Variants in YEATS4 observed in about 807,000 individuals in gnomAD.
YEATS4 encodes YEATS domain-containing protein 4.
Under a neutral mutation model 30.1 loss-of-function variants are expected in YEATS4, and 17 were observed. The ratio of observed to expected loss-of-function variants is 0.56; its 90% CI spans 0.39 to 0.85. YEATS4 has a LOEUF of 0.85. YEATS4 is among the 40% of genes least tolerant of loss of function. YEATS4 has a pLI of 0.00. For synonymous variants in YEATS4, 85 were observed against 87.5 expected (o/e 0.97, Z 0.16); for missense variants, 142 against 268.3 (o/e 0.53, Z 3.29).
the YEATS4 span, among the ~76,000 whole-genome samples, chr12:69,406,310 A>G: frequency 6.6e-6 from 1 of 152,230 alleles, no homozygotes; most frequent in Non-Finnish European, 1.5e-5. Context: ...TGAAAGTATT[A>G]CATCAATTTT....
At chr12:69,384,701 T>G (rs1876205719) in intron 6 of YEATS4, among the ~76,000 whole-genome samples, 1 of 152,234 alleles carries the variant, frequency 6.6e-6, no homozygotes, top group Admixed American at 6.5e-5. Context: ...AAATTTAAAG[T>G]GTTAGGAAAA....
chr12:69,363,035 C>T, intron 2 of YEATS4, 128 bp downstream of exon 2: 1 of 880,864 alleles, frequency 1.1e-6, no homozygotes, highest in Non-Finnish European at 1.5e-6. Context: ...CTCTGTCGCC[C>T]AGGCTGGAGT....
chr12:69,404,340 C>A, the YEATS4 span, among the ~76,000 whole-genome samples: 1 of 152,172 alleles, frequency 6.6e-6, no homozygotes, highest in Non-Finnish European at 1.5e-5. Flanking sequence ...TTCCAAAGCT[C>A]GTGCTAAAAT....
chr12:69,412,444 G>A, the YEATS4 span, among the ~76,000 whole-genome samples: 1 of 152,082 alleles, frequency 6.6e-6, no homozygotes, highest in Non-Finnish European at 1.5e-5. Context: ...AAGGTCAGGA[G>A]TTCAAGACCA....
downstream of YEATS4, among the ~76,000 whole-genome samples, chr12:69,393,610 T>C (rs1020978917): frequency 2.4e-4 from 36 of 151,742 alleles, no homozygotes; most frequent in African/African-American, 8.2e-4. Flanking sequence ...TTCTTGGAGT[T>C]GGAAAGTACA....
At chr12:69,413,722 C>T in the YEATS4 span, among the ~76,000 whole-genome samples, 1 of 151,860 alleles carries the variant, frequency 6.6e-6, no homozygotes, top group East Asian at 1.9e-4. Flanking sequence ...CATGATGGTG[C>T]ACGCCTATGG....
chr12:69,364,010 C>A (rs1381157540), intron 2 of YEATS4, among the ~76,000 whole-genome samples: 1 of 152,084 alleles, frequency 6.6e-6, no homozygotes, highest in African/African-American at 2.4e-5. Context: ...CCAGAAGGGG[C>A]AAATCCATAG....
chr12:69,384,796 T>C (rs1006053725), intron 6 of YEATS4, among the ~76,000 whole-genome samples: 1 of 152,060 alleles, frequency 6.6e-6, no homozygotes, highest in African/African-American at 2.4e-5. Context: ...TTGCAGAAAA[T>C]ATGGCAAAGA....
intron 4 of YEATS4, among the ~76,000 whole-genome samples, chr12:69,368,375 T>C (rs1399287108): frequency 6.6e-6 from 1 of 152,214 alleles, no homozygotes; most frequent in Non-Finnish European, 1.5e-5. Flanking sequence ...GCAGTTTCAT[T>C]GTTCTAAGAA....
chr12:69,381,850 C>T (rs1876092812), intron 6 of YEATS4, among the ~76,000 whole-genome samples: 1 of 152,114 alleles, frequency 6.6e-6, no homozygotes, highest in South Asian at 2.1e-4. Flanking sequence ...ACCCAGGATT[C>T]TTTGACTGGT....
chr12:69,365,982 A>C (rs1167624234), intron 4 of YEATS4, 98 bp downstream of exon 4: 3 of 889,014 alleles, frequency 3.4e-6, no homozygotes, highest in Non-Finnish European at 4.9e-6. Flanking sequence ...GATGTGTTTT[A>C]TGTAAATTTA....
intron 4 of YEATS4, among the ~76,000 whole-genome samples, chr12:69,366,990 T>C (rs968992526): frequency 2.6e-5 from 4 of 152,216 alleles, no homozygotes; most frequent in Non-Finnish European, 4.4e-5. Context: ...CCAGGTGATT[T>C]TGATGCACAA....
At chr12:69,412,286 G>A in the YEATS4 span, among the ~76,000 whole-genome samples, 2 of 152,154 alleles carry the variant, frequency 1.3e-5, no homozygotes, top group Admixed American at 1.3e-4. Context: ...CTGGCTCTAA[G>A]CACTTGAAAG....
intron 6 of YEATS4, 47 bp from the exon 7 acceptor site, chr12:69,390,100 T>G (rs775014730): frequency 6.8e-7 from 1 of 1,479,382 alleles, no homozygotes; most frequent in Non-Finnish European, 9.1e-7. Flanking sequence ...TCATATATCT[T>G]AAACATGTGA....
chr12:69,389,964 C>G (rs943649147), intron 6 of YEATS4, among the ~76,000 whole-genome samples, 183 bp from the exon 7 acceptor site: 5 of 152,138 alleles, frequency 3.3e-5, no homozygotes, highest in African/African-American at 7.2e-5. Context: ...CTTAGATCCT[C>G]TCTTGGGAAT....
chr12:69,383,509 G>A (rs1258623989), intron 6 of YEATS4, among the ~76,000 whole-genome samples: 1 of 152,210 alleles, frequency 6.6e-6, no homozygotes, highest in African/African-American at 2.4e-5. Flanking sequence ...TTTAAAGATT[G>A]AGGAGATAAC....
the YEATS4 span, among the ~76,000 whole-genome samples, chr12:69,409,917 G>A: frequency 1.3e-5 from 2 of 152,148 alleles, no homozygotes; most frequent in Non-Finnish European, 2.9e-5. Flanking sequence ...TGAAGACAAA[G>A]GGAGAAGACA....
rs981814684 is a variant in YEATS4 at position 69,390,521 on chromosome 12, G to A, written c.*205G>A. The A allele has an allele frequency of 8.7e-6, 3 of 345,066 alleles. No homozygotes were observed. Among genetic ancestry groups the A allele is most frequent in the African/African-American group, 6.4e-5 (3 of 46,994 alleles). The allele number at this position is 345,066 out of a possible 1,614,324, so 21.4% of individuals were successfully genotyped here. Reference sequence around the variant, plus strand: ...GTGTGTAAGAATGGATGCTATATAGGTATTTTACCAACCCATTTTAAGAAA... The same window carrying A: ...GTGTGTAAGAATGGATGCTATATAGATATTTTACCAACCCATTTTAAGAAA... On this transcript the variant is annotated 3_prime_UTR_variant, in exon 7 of 7. Coordinates refer to ENST00000247843, the MANE Select transcript of YEATS4 (RefSeq NM_006530.4).
chr12:69,395,948 C>G, the YEATS4 span, among the ~76,000 whole-genome samples: 1 of 152,182 alleles, frequency 6.6e-6, no homozygotes, highest in Non-Finnish European at 1.5e-5. Flanking sequence ...TCTGATCTGG[C>G]TTTTAAATTA....
Sources: gnomAD v4.1 joint callset for allele counts (sites outside exome capture counted in the v4.1 genomes callset) on GRCh38, gnomAD v4.1.1 for gene constraint, MANE v1.5 for transcripts, NCBI Gene and HGNC (gene_info 2026-07-23, HGNC 2026-07-21) for gene names.